Variants in CDH12 observed in about 807,000 individuals in gnomAD.
CDH12 encodes the protein cadherin 12.
In CDH12, 41 loss-of-function variants were observed where a neutral mutation model predicts 74.1. The ratio of observed to expected loss-of-function variants is 0.55; its 90% CI spans 0.43 to 0.72. The LOEUF (loss-of-function observed/expected upper bound fraction) is 0.72, where lower values mean the gene tolerates loss of function less well. CDH12 is among the 30% of genes least tolerant of loss of function. CDH12 has a pLI of 0.00. For missense variants in CDH12, 945 were observed against 977.2 expected (o/e 0.97, Z 0.44); for synonymous variants, 399 against 355.0 (o/e 1.12, Z -1.39).
intron 1 of CDH12, among the ~76,000 whole-genome samples, chr5:22,756,286 A>G (rs778347275): frequency 2.9e-4 from 44 of 152,226 alleles, no homozygotes; most frequent in African/African-American, 6.3e-4. Flanking sequence ...TAACAAATCC[A>G]TCGTACACTA....
At chr5:22,624,825 A>G (rs1320776222) in intron 1 of CDH12, among the ~76,000 whole-genome samples, 3 of 152,204 alleles carry the variant, frequency 2.0e-5, no homozygotes, top group Non-Finnish European at 4.4e-5. Flanking sequence ...TACCCAAAGG[A>G]TTATAAATCA....
intron 6 of CDH12, among the ~76,000 whole-genome samples, chr5:21,891,943 T>C (rs1041961796): frequency 3.9e-5 from 6 of 152,138 alleles, no homozygotes; most frequent in African/African-American, 1.2e-4. Flanking sequence ...AATCTATGCT[T>C]AATTGATGGC....
At chr5:22,293,511 T>C (rs1737492236) in intron 3 of CDH12, among the ~76,000 whole-genome samples, 1 of 152,180 alleles carries the variant, frequency 6.6e-6, no homozygotes, top group Admixed American at 6.5e-5. Flanking sequence ...AAGAGATTTC[T>C]GCACTCTCAT....
intron 5 of CDH12, among the ~76,000 whole-genome samples, chr5:22,070,350 T>C (rs979835111): frequency 1.8e-4 from 27 of 152,170 alleles, no homozygotes; most frequent in African/African-American, 6.3e-4. Flanking sequence ...TAAGGGGAAG[T>C]GGACGGGTGC....
At chr5:22,129,471 G>A (rs1746060907) in intron 4 of CDH12, among the ~76,000 whole-genome samples, 1 of 152,126 alleles carries the variant, frequency 6.6e-6, no homozygotes, top group African/African-American at 2.4e-5. Flanking sequence ...GTACAAAACG[G>A]GCAAGCTCTG....
At chr5:22,004,413 G>A (rs1459957795) in intron 5 of CDH12, among the ~76,000 whole-genome samples, 7 of 151,866 alleles carry the variant, frequency 4.6e-5, no homozygotes, top group Admixed American at 4.6e-4. Flanking sequence ...TCCTTGGAGT[G>A]GCCTTCAAGT....
chr5:22,573,274 A>G (rs1739625933), intron 1 of CDH12, among the ~76,000 whole-genome samples: 1 of 152,194 alleles, frequency 6.6e-6, no homozygotes, highest in Non-Finnish European at 1.5e-5. Flanking sequence ...ATTTATATAC[A>G]TAAATCATAC....
intron 1 of CDH12, among the ~76,000 whole-genome samples, chr5:22,735,387 A>G (rs1432573717): frequency 6.6e-6 from 1 of 151,958 alleles, no homozygotes; most frequent in Non-Finnish European, 1.5e-5. Flanking sequence ...ACATATATAC[A>G]CAGATGTTTA....
intron 1 of CDH12, among the ~76,000 whole-genome samples, chr5:22,828,866 T>C (rs2126494584): frequency 6.6e-6 from 1 of 152,338 alleles, no homozygotes; most frequent in Non-Finnish European, 1.5e-5. Flanking sequence ...TGTTTATATA[T>C]ATATTTTCAT....
chr5:22,020,172 T>C (rs1289597914), intron 5 of CDH12, among the ~76,000 whole-genome samples: 1 of 152,106 alleles, frequency 6.6e-6, no homozygotes. Context: ...ACAGGGTATG[T>C]TAGTTGGCTT....
rs578069536 is a variant in CDH12, at chr5:22,124,777, T to C, written c.-186-45915A>G. 5.3e-5 allele frequency among the ~76,000 whole-genome samples: 8 copies of C among 152,326 alleles called. No individual in the cohort carries two copies. In the East Asian group the frequency reaches 1.5e-3, roughly 29 times the overall value. ...TTTGAATGTATGGAGGCATTTTTTA[T>C]TTTTTCCTCCTTATCACTCTGGGCC... On this transcript the variant is annotated intron_variant, in intron 4 of 14. Coordinates refer to ENST00000382254, the MANE Select transcript of CDH12 (RefSeq NM_004061.5).
At chr5:21,817,560 T>C (rs1197045271) in intron 8 of CDH12, among the ~76,000 whole-genome samples, 1 of 151,974 alleles carries the variant, frequency 6.6e-6, no homozygotes, top group African/African-American at 2.4e-5. Context: ...AGATAGGTGA[T>C]AGATATATAG....
chr5:22,232,639 A>T (rs1408969275), intron 3 of CDH12, among the ~76,000 whole-genome samples: 2 of 151,778 alleles, frequency 1.3e-5, no homozygotes, highest in East Asian at 3.9e-4. Context: ...TTTAATTTCC[A>T]GAAGATTCTA....
intron 6 of CDH12, among the ~76,000 whole-genome samples, chr5:21,940,558 C>T (rs1755284358): frequency 6.6e-6 from 1 of 152,136 alleles, no homozygotes; most frequent in Admixed American, 6.5e-5. Flanking sequence ...TGCCATCCCA[C>T]CAAACACACA....
intron 3 of CDH12, among the ~76,000 whole-genome samples, chr5:22,314,732 T>G (rs1295403999): frequency 6.6e-6 from 1 of 151,926 alleles, no homozygotes; most frequent in African/African-American, 2.4e-5. Flanking sequence ...ATTGTAAAGT[T>G]ACAAGCTGAT....
intron 3 of CDH12, among the ~76,000 whole-genome samples, chr5:22,355,523 A>AATAT (rs70959720): frequency 4.8e-5 from 4 of 84,024 alleles, no homozygotes; most frequent in East Asian, 3.0e-4. Context: ...TTAAAAAAAA[A>AATAT]ATATATATAT....
chr5:22,735,347 G>T (rs1354878360), intron 1 of CDH12, among the ~76,000 whole-genome samples: 3 of 151,782 alleles, frequency 2.0e-5, no homozygotes, highest in Non-Finnish European at 2.9e-5. Context: ...CCTTCAGAAG[G>T]TCTTACTTGA....
At chr5:21,832,864 C>T (rs1240348573) in intron 8 of CDH12, among the ~76,000 whole-genome samples, 2 of 71,180 alleles carry the variant, frequency 2.8e-5, no homozygotes, top group African/African-American at 1.6e-4. Context: ...TGATATATAT[C>T]ATATGATATA....
intron 5 of CDH12, among the ~76,000 whole-genome samples, chr5:22,069,379 C>T (rs1741788022): frequency 6.6e-6 from 1 of 152,114 alleles, no homozygotes; most frequent in Non-Finnish European, 1.5e-5. Flanking sequence ...TAAAAATGCT[C>T]TGAATCAGCA....
Sources: gnomAD v4.1 joint callset for allele counts (sites outside exome capture counted in the v4.1 genomes callset) on GRCh38, gnomAD v4.1.1 for gene constraint, MANE v1.5 for transcripts, NCBI Gene and HGNC (gene_info 2026-07-23, HGNC 2026-07-21) for gene names.